Variants in CCNY observed in about 807,000 individuals in gnomAD.
The protein encoded by CCNY is cyclin-Y.
Under a neutral mutation model 42.8 loss-of-function variants are expected in CCNY, and 19 were observed. The ratio of observed to expected loss-of-function variants is 0.44; its 90% CI spans 0.31 to 0.65. The LOEUF (loss-of-function observed/expected upper bound fraction) is 0.65. Ranked by LOEUF, CCNY falls within the 30% of genes least tolerant of loss-of-function variation. CCNY has a pLI of 0.07. For missense variants in CCNY, 370 were observed against 437.3 expected (o/e 0.85, Z 1.37); for synonymous variants, 165 against 162.7 (o/e 1.01, Z -0.11).
intron 1 of CCNY, among the ~76,000 whole-genome samples, chr10:35,378,734 A>G (rs1837110723): frequency 1.3e-5 from 2 of 152,128 alleles, no homozygotes; most frequent in Non-Finnish European, 2.9e-5. Flanking sequence ...GATCCTTACC[A>G]TGATCTTACT....
At chr10:35,372,357 A>T (rs1333717250) in intron 1 of CCNY, among the ~76,000 whole-genome samples, 1 of 152,076 alleles carries the variant, frequency 6.6e-6, no homozygotes, top group Non-Finnish European at 1.5e-5. Flanking sequence ...TGCAAAGATT[A>T]CTCTTCCAAA....
At chr10:35,248,552 A>G (rs933098693) in intron 2 of CCNY, among the ~76,000 whole-genome samples, 53 of 152,278 alleles carry the variant, frequency 3.5e-4, no homozygotes, top group African/African-American at 1.3e-3. Context: ...ACGCTGAGGC[A>G]GGAGAATTGC....
intron 1 of CCNY, among the ~76,000 whole-genome samples, chr10:35,399,140 T>G (rs941788911): frequency 6.6e-6 from 1 of 152,212 alleles, no homozygotes; most frequent in African/African-American, 2.4e-5. Context: ...CTTCCCACAT[T>G]TTATAAAGTT....
intron 1 of CCNY, among the ~76,000 whole-genome samples, chr10:35,376,621 CA>C: frequency 6.6e-6 from 1 of 152,298 alleles, no homozygotes; most frequent in African/African-American, 2.4e-5. Flanking sequence ...GCATATAATG[CA>C]TATGTTCCCA....
intron 3 of CCNY, among the ~76,000 whole-genome samples, chr10:35,330,556 T>C (rs537828734): frequency 1.3e-5 from 2 of 152,314 alleles, no homozygotes; most frequent in African/African-American, 4.8e-5. Flanking sequence ...CGGGATTACA[T>C]TTGCCTGCAT....
At chr10:35,296,188 G>A (rs1432281492) in intron 3 of CCNY, among the ~76,000 whole-genome samples, 1 of 152,194 alleles carries the variant, frequency 6.6e-6, no homozygotes, top group Non-Finnish European at 1.5e-5. Context: ...GAGCTGAATT[G>A]AAGGAAATTG....
intron 3 of CCNY, among the ~76,000 whole-genome samples, chr10:35,263,344 G>A (rs937358855): frequency 5.9e-5 from 7 of 118,926 alleles, no homozygotes; most frequent in Non-Finnish European, 9.8e-5. Flanking sequence ...ATGACAGAGT[G>A]AGACTCCGTC....
At chr10:35,358,215 C>CT (rs34172111) in intron 1 of CCNY, among the ~76,000 whole-genome samples, 2,712 of 135,558 alleles carry the variant, frequency 0.02, 52 homozygotes, top group East Asian at 0.058. Flanking sequence ...TTAAGCAAGT[C>CT]TTTTTTTTTT....
chr10:35,445,172 T>C (rs1376396501), intron 1 of CCNY, among the ~76,000 whole-genome samples: 1 of 152,068 alleles, frequency 6.6e-6, no homozygotes, highest in Non-Finnish European at 1.5e-5. Flanking sequence ...AAGGTAGATT[T>C]TGGTGGGTAT....
At chr10:35,523,519 G>A (rs757217444) in intron 4 of CCNY, among the ~76,000 whole-genome samples, 10 of 152,096 alleles carry the variant, frequency 6.6e-5, no homozygotes, top group Non-Finnish European at 1.3e-4. Context: ...CCTCATCCTG[G>A]TGGTCTCACT....
At chr10:35,430,276 G>T (rs371283021) in intron 1 of CCNY, among the ~76,000 whole-genome samples, 1 of 143,174 alleles carries the variant, frequency 7.0e-6, no homozygotes, top group Non-Finnish European at 1.5e-5. Context: ...GGCGGAGCTT[G>T]CAGTGAGCCG....
chr10:35,502,795 C>G (rs78247218), intron 3 of CCNY, among the ~76,000 whole-genome samples: 1 of 151,614 alleles, frequency 6.6e-6, no homozygotes, highest in African/African-American at 2.4e-5. Flanking sequence ...AAAATTTGAG[C>G]GATTGGAACG....
At chr10:35,501,874 T>G (rs1840117563) in intron 3 of CCNY, among the ~76,000 whole-genome samples, 1 of 152,222 alleles carries the variant, frequency 6.6e-6, no homozygotes, top group South Asian at 2.1e-4. Context: ...CAAATTATTC[T>G]TTTTCTCTTG....
chr10:35,270,972 G>GC (rs1835161103), intron 3 of CCNY, among the ~76,000 whole-genome samples: 4 of 151,976 alleles, frequency 2.6e-5, no homozygotes, highest in Admixed American at 2.6e-4. Context: ...TGATCCGCCC[G>GC]CCTCAGCCTC....
intron 7 of CCNY, among the ~76,000 whole-genome samples, chr10:35,550,283 C>T (rs1841225597): frequency 6.6e-6 from 1 of 151,812 alleles, no homozygotes; most frequent in African/African-American, 2.4e-5. Flanking sequence ...CGTGACCCTA[C>T]AGTGCTTGTG....
intron 3 of CCNY, among the ~76,000 whole-genome samples, chr10:35,310,495 C>G (rs1042862611): frequency 3.9e-5 from 6 of 152,176 alleles, no homozygotes; most frequent in Admixed American, 3.3e-4. Context: ...CATATGGTTT[C>G]CATGGCTGTA....
chr10:35,554,407 G>GT (rs983874902), intron 8 of CCNY, among the ~76,000 whole-genome samples: 6 of 152,116 alleles, frequency 3.9e-5, no homozygotes, highest in African/African-American at 1.2e-4. Context: ...ACATAAAGAA[G>GT]TTTTTTTAAT....
At chr10:35,410,112 T>C (rs1297698203) in intron 1 of CCNY, among the ~76,000 whole-genome samples, 1 of 152,192 alleles carries the variant, frequency 6.6e-6, no homozygotes, top group African/African-American at 2.4e-5. Flanking sequence ...AACCTTGTCC[T>C]GTCACCCAGG....
chr10:35,479,843 T>C (rs527288656), intron 1 of CCNY, among the ~76,000 whole-genome samples: 2 of 152,232 alleles, frequency 1.3e-5, no homozygotes, highest in South Asian at 4.1e-4. Flanking sequence ...ATGGTAAACA[T>C]TGGGGATATC....
Sources: allele counts gnomAD v4.1 joint callset (sites outside exome capture counted in the v4.1 genomes callset), GRCh38; gene constraint gnomAD v4.1.1; transcripts MANE v1.5; gene names NCBI Gene and HGNC (gene_info 2026-07-23, HGNC 2026-07-21).